Variants in TRANK1 observed in about 807,000 individuals in gnomAD.
TRANK1 encodes tetratricopeptide repeat and ankyrin repeat containing 1, also known as TPR and ankyrin repeat-containing protein 1.
TRANK1 carries 198 observed loss-of-function variants against 266.0 expected under a neutral mutation model. The ratio of observed to expected loss-of-function variants is 0.74; its 90% CI spans 0.66 to 0.84. TRANK1 has a LOEUF of 0.84. Ranked by LOEUF, TRANK1 falls within the 40% of genes least tolerant of loss-of-function variation. TRANK1 has a pLI of 0.00. For missense variants in TRANK1, 3,326 were observed against 3,634.6 expected, an observed-to-expected ratio of 0.92 and a Z score of 2.18; for synonymous variants, 1,396 against 1,384.1, an observed-to-expected ratio of 1.01 and a Z score of -0.19.
Position 36,852,236 on chromosome 3 carries a change from A to C in TRANK1, c.4659T>G (p.Thr1553=). ...CGCTTACACTACAAGACTCCAGAACAGTTGGCTTAGGACCATCAAAGAGGC... is the reference window on the plus strand; with the variant it reads ...CGCTTACACTACAAGACTCCAGAACCGTTGGCTTAGGACCATCAAAGAGGC... ...DSGLFDGPKP[T]VLESCSVSDL... is the part of the protein sequence containing the mutation. Residue 1553 remains threonine (T), a synonymous_variant, in exon 14 of 24, where the codon ACT becomes ACG. Transcript: ENST00000645898. 1.2e-6 allele frequency: 2 copies of C among 1,613,836 alleles called. No individual in the cohort carries two copies. Among genetic ancestry groups the C allele is most frequent in the South Asian group, 1.1e-5 (1 of 91,028 alleles).
intron 1 of TRANK1, among the ~76,000 whole-genome samples, chr3:36,915,113 G>A (rs558504598): frequency 3.3e-5 from 5 of 151,986 alleles, no homozygotes; most frequent in African/African-American, 4.8e-5. Context: ...CACCACGCCC[G>A]GCTAATTTTT....
chr3:36,881,792 TTC>T (rs2079535286), intron 8 of TRANK1, among the ~76,000 whole-genome samples: 1 of 152,168 alleles, frequency 6.6e-6, no homozygotes, highest in Admixed American at 6.5e-5. Flanking sequence ...GTAATCTACT[TTC>T]TGTCTCTAGG....
At chr3:36,910,195 T>C (rs1215635604) in intron 1 of TRANK1, among the ~76,000 whole-genome samples, 6 of 152,126 alleles carry the variant, frequency 3.9e-5, no homozygotes, top group Non-Finnish European at 8.8e-5. Context: ...GTAAATAGGA[T>C]CACCCTCACT....
intron 8 of TRANK1, among the ~76,000 whole-genome samples, chr3:36,877,476 A>C (rs1186215066): frequency 6.6e-6 from 1 of 152,230 alleles, no homozygotes; most frequent in Admixed American, 6.5e-5. Context: ...CTATAGATGC[A>C]ACCCCACTGA....
chr3:36,943,802 A>G (rs1357584091), intron 1 of TRANK1, among the ~76,000 whole-genome samples: 3 of 152,104 alleles, frequency 2.0e-5, no homozygotes, highest in Admixed American at 2.0e-4. Context: ...CATAAGGACT[A>G]ACTGAGCCAG....
intron 4 of TRANK1, among the ~76,000 whole-genome samples, chr3:36,897,038 A>C (rs1286279368): frequency 1.3e-5 from 2 of 152,072 alleles, no homozygotes; most frequent in Non-Finnish European, 2.9e-5. Flanking sequence ...GCAGTGGCTC[A>C]AGGCTGTAAT....
At chr3:36,889,505 T>A (rs921126317) in intron 8 of TRANK1, among the ~76,000 whole-genome samples, 5 of 152,130 alleles carry the variant, frequency 3.3e-5, no homozygotes, top group Non-Finnish European at 1.5e-5. Context: ...AGATTTGGCA[T>A]AAAATAAAAT....
rs1229081448 is a variant in TRANK1 at position 36,856,816 on chromosome 3, AC to A, written c.2905del (p.Val969SerfsTer6). On this transcript the variant is annotated frameshift_variant, in exon 13 of 24. Coordinates refer to ENST00000645898, the MANE Select transcript of TRANK1 (RefSeq NM_001329998.2). LOFTEE classifies it high-confidence loss of function. ...GATACCTTTCAGCTTCTTCCGCAGG[AC>A]ACAGGACAAGCCCCGGTTGTAGGCA... ...CNAYNRGLSC[V>X]LRKKLKGINK... 6.2e-7 allele frequency: 1 copy of A among 1,613,878 alleles called. No individual in the cohort carries two copies. Among genetic ancestry groups the A allele is most frequent in the East Asian group, 2.2e-5 (1 of 44,896 alleles).
At chr3:36,932,783 G>T (rs2080377317) in intron 1 of TRANK1, among the ~76,000 whole-genome samples, 1 of 152,136 alleles carries the variant, frequency 6.6e-6, no homozygotes, top group Non-Finnish European at 1.5e-5. Flanking sequence ...GAGCAGATCT[G>T]GGAATGGGAA....
At chr3:36,889,326 C>T (rs187479807) in intron 8 of TRANK1, among the ~76,000 whole-genome samples, 1 of 152,284 alleles carries the variant, frequency 6.6e-6, no homozygotes, top group East Asian at 1.9e-4. Flanking sequence ...CATGGTGCAC[C>T]GGTGTCAGAA....
chr3:36,937,578 T>C (rs1011380886), intron 1 of TRANK1, among the ~76,000 whole-genome samples: 2 of 152,206 alleles, frequency 1.3e-5, no homozygotes, highest in African/African-American at 4.8e-5. Context: ...AAAAGGGGCC[T>C]TTAAAACTAA....
intron 1 of TRANK1, among the ~76,000 whole-genome samples, chr3:36,939,928 T>C (rs1032655340): frequency 3.2e-4 from 49 of 152,110 alleles, no homozygotes; most frequent in African/African-American, 1.2e-3. Flanking sequence ...TCTTGCTTTG[T>C]AGCCCAGGCT....
intron 1 of TRANK1, among the ~76,000 whole-genome samples, chr3:36,918,594 GGAAGGAAGGAAGGAAA>G (rs1575316074): frequency 1.4e-3 from 91 of 64,282 alleles, no homozygotes; most frequent in South Asian, 2.2e-3. Flanking sequence ...AAGGAAGGAA[GGAAGGAAGGAAGGAAA>G]GAAAGAAAGA....
At chr3:36,835,365 T>C (rs1381746578) in intron 20 of TRANK1, among the ~76,000 whole-genome samples, 1 of 148,216 alleles carries the variant, frequency 6.7e-6, no homozygotes, top group Admixed American at 6.7e-5. Flanking sequence ...ATAGATAATG[T>C]TAGGAAAACC....
intron 3 of TRANK1, among the ~76,000 whole-genome samples, chr3:36,901,906 A>G (rs1276637468): frequency 6.6e-6 from 1 of 152,222 alleles, no homozygotes; most frequent in Admixed American, 6.5e-5. Flanking sequence ...GGCAAAACCC[A>G]AATATTAATA....
rs570120484 is a variant in TRANK1, at chr3:36,846,568, C to A, written c.5035-164G>T. Among the ~76,000 whole-genome samples, 6 of 152,326 alleles carry A rather than the reference C, an allele frequency of 3.9e-5. No individual in the cohort carries two copies. In the South Asian group the frequency reaches 1.2e-3, roughly 32 times the overall value. On this transcript the variant is annotated intron_variant, in intron 16 of 23. Transcript: ENST00000645898. The stretch of plus-strand genomic sequence containing the variant: ...TACCAGGAGCTCACTGTGGCCACAG[C>A]ACAGGTAAGTGAGGCTCCAGTGAGG...
At chr3:36,919,395 G>C (rs1410354688) in intron 1 of TRANK1, among the ~76,000 whole-genome samples, 1 of 152,092 alleles carries the variant, frequency 6.6e-6, no homozygotes, top group African/African-American at 2.4e-5. Flanking sequence ...AACATAGTGG[G>C]TTCCCTCTTT....
At chr3:36,925,395 C>G (rs888860918) in intron 1 of TRANK1, among the ~76,000 whole-genome samples, 1 of 151,920 alleles carries the variant, frequency 6.6e-6, no homozygotes, top group Non-Finnish European at 1.5e-5. Context: ...TTTTTTCTGT[C>G]TGCTTTAAAT....
Position 36,855,766 on chromosome 3 carries a change from A to G in TRANK1, c.3956T>C (p.Val1319Ala). 1 of 1,613,502 alleles carries G rather than the reference A, an allele frequency of 6.2e-7. No homozygotes were observed. The highest frequency in any genetic ancestry group is 8.5e-7 in the Non-Finnish European group (1 of 1,179,798). The change falls in exon 13 of 24, where the codon GTG becomes GCG. Residue 1319 changes from valine (V) to alanine (A), a missense_variant. Val to Ala is a moderately conservative substitution (Grantham distance 64, BLOSUM62 0). Transcript: ENST00000645898. ...TTTGAACACCTCAAACGTCACGTAC[A>G]CCCGGGGGTCACTGTCACCCGTACG... ...EMRTGDSDPR[V>A]YVTFEVFKNE...
Sources: gnomAD v4.1 joint callset for allele counts (sites outside exome capture counted in the v4.1 genomes callset) on GRCh38, gnomAD v4.1.1 for gene constraint, MANE v1.5 for transcripts, NCBI Gene and HGNC (gene_info 2026-07-23, HGNC 2026-07-21) for gene names.